CAPZB: variants seen among roughly 807,000 people sequenced by gnomAD.
CAPZB encodes F-actin-capping protein subunit beta.
A neutral mutation model predicts 38.1 loss-of-function variants in CAPZB; 2 were observed. That is an observed-to-expected ratio of 0.05 (90% CI 0.02 to 0.17). CAPZB has a LOEUF of 0.17. CAPZB is among the 10% of genes least tolerant of loss of function. The pLI, the probability that CAPZB is intolerant of heterozygous loss-of-function variation, is 1.00. For synonymous variants in CAPZB, 107 were observed against 127.4 expected, an observed-to-expected ratio of 0.84 and a Z score of 1.08; for missense variants, 161 against 334.2, an observed-to-expected ratio of 0.48 and a Z score of 4.04.
intron 1 of CAPZB, among the ~76,000 whole-genome samples, chr1:19,479,137 G>A (rs1395510951): frequency 6.6e-6 from 1 of 152,188 alleles, no homozygotes; most frequent in Non-Finnish European, 1.5e-5. Flanking sequence ...CTGAGTCTAG[G>A]AGACGGAGGT....
chr1:19,385,400 G>T, intron 3 of CAPZB, 105 bp downstream of exon 3: 1 of 1,321,514 alleles, frequency 7.6e-7, no homozygotes, highest in South Asian at 1.3e-5. Context: ...AAGCTGAATG[G>T]GCTGCCAGCT....
intron 4 of CAPZB, among the ~76,000 whole-genome samples, chr1:19,365,690 C>T (rs1234123140): frequency 6.6e-6 from 1 of 151,978 alleles, no homozygotes; most frequent in Non-Finnish European, 1.5e-5. Context: ...CAAAATTAGT[C>T]GGGCGTGGTG....
intron 1 of CAPZB, among the ~76,000 whole-genome samples, chr1:19,446,237 T>G (rs1285721113): frequency 1.3e-5 from 2 of 152,256 alleles, no homozygotes; most frequent in Non-Finnish European, 2.9e-5. Context: ...AAGTTCAGGA[T>G]GCACTGCGTG....
intron 1 of CAPZB, among the ~76,000 whole-genome samples, chr1:19,429,365 G>C (rs1360736188): frequency 6.6e-6 from 1 of 151,852 alleles, no homozygotes; most frequent in East Asian, 1.9e-4. Context: ...CAAATAGTTT[G>C]TAAGTACCTT....
chr1:19,432,923 C>G (rs115863775), intron 1 of CAPZB, among the ~76,000 whole-genome samples: 56 of 152,360 alleles, frequency 3.7e-4, no homozygotes, highest in Non-Finnish European at 6.5e-4. Context: ...ACAATGTCAT[C>G]TACTACCAAA....
At chr1:19,480,115 T>C (rs1303975141) in intron 1 of CAPZB, among the ~76,000 whole-genome samples, 8 of 152,180 alleles carry the variant, frequency 5.3e-5, no homozygotes, top group Non-Finnish European at 7.3e-5. Flanking sequence ...CATGGGTCCC[T>C]GGCTAAGTCT....
intron 4 of CAPZB, among the ~76,000 whole-genome samples, chr1:19,368,484 T>C (rs969449335): frequency 7.5e-6 from 1 of 133,066 alleles, no homozygotes; most frequent in African/African-American, 3.0e-5. Context: ...CCGTCTCCAT[T>C]TTTTTTCTTG....
chr1:19,471,727 C>T (rs536386167), intron 1 of CAPZB, among the ~76,000 whole-genome samples: 3 of 152,074 alleles, frequency 2.0e-5, no homozygotes, highest in Admixed American at 6.5e-5. Flanking sequence ...ATTAGCCAGG[C>T]GTGGTGGCGG....
rs371690545 is a variant in CAPZB at position 19,344,363 on chromosome 1, C to A, written c.726G>T (p.Gly242=). The change falls in exon 8 of 9, where the codon GGG becomes GGT. Residue 242 remains glycine, a synonymous_variant. Coordinates refer to ENST00000264202, the MANE Select transcript of CAPZB (RefSeq NM_004930.5). ...TGTGCTTTCTGGTACATTACCTCAG[C>A]CCATTGACGATATCCTTTGTTTTTC... The part of the protein sequence containing the change: ...YFGKTKDIVN[G]LRSVQTFADK... The A allele has an allele frequency of 4.3e-6, 7 of 1,611,078 alleles. No individual in the cohort carries two copies. The Admixed American group carries it at 1.0e-4, about 23-fold the overall frequency.
chr1:19,461,953 TA>T (rs1425173446), intron 1 of CAPZB, among the ~76,000 whole-genome samples: 7 of 152,166 alleles, frequency 4.6e-5, no homozygotes, highest in African/African-American at 7.2e-5. Context: ...CAGCAATGAA[TA>T]AATATGTGCT....
At chr1:19,371,421 G>A (rs10753558) in intron 4 of CAPZB, among the ~76,000 whole-genome samples, 45,074 of 152,140 alleles carry the variant, frequency 0.3, 7,002 homozygotes, top group Middle Eastern at 0.37. Flanking sequence ...GACGCAAGGC[G>A]TGAGTGCAGC....
chr1:19,424,137 G>A (rs1191773711), intron 1 of CAPZB, among the ~76,000 whole-genome samples: 2 of 152,030 alleles, frequency 1.3e-5, no homozygotes, highest in Admixed American at 6.6e-5. Flanking sequence ...ATTTAGACAC[G>A]TGTTTTAGAC....
chr1:19,382,402 C>T (rs2100444387), intron 3 of CAPZB, among the ~76,000 whole-genome samples: 1 of 152,258 alleles, frequency 6.6e-6, no homozygotes, highest in Middle Eastern at 3.4e-3. Flanking sequence ...TTTCATTTCC[C>T]TCCGAGAAGG....
intron 1 of CAPZB, among the ~76,000 whole-genome samples, chr1:19,436,082 T>C (rs1490767450): frequency 6.6e-6 from 1 of 152,226 alleles, no homozygotes; most frequent in Non-Finnish European, 1.5e-5. Flanking sequence ...AGTAACACAG[T>C]AGTCACCCCT....
At chr1:19,346,396 C>T (rs528593447) in intron 6 of CAPZB, among the ~76,000 whole-genome samples, 79 of 127,732 alleles carry the variant, frequency 6.2e-4, no homozygotes, top group Admixed American at 1.7e-3. Context: ...TCTGCTTAGA[C>T]ATTATTTATA....
chr1:19,355,726 C>T (rs1157751183), intron 6 of CAPZB, among the ~76,000 whole-genome samples: 1 of 152,214 alleles, frequency 6.6e-6, no homozygotes. Flanking sequence ...CCGACTTCTC[C>T]GAAGGCAAAG....
intron 3 of CAPZB, among the ~76,000 whole-genome samples, chr1:19,378,942 G>A (rs1038504826): frequency 1.3e-5 from 2 of 152,084 alleles, no homozygotes; most frequent in Non-Finnish European, 2.9e-5. Context: ...CGTAAAATGC[G>A]GCTGCTACTT....
chr1:19,439,747 C>T (rs1227942714), intron 1 of CAPZB, among the ~76,000 whole-genome samples: 1 of 152,264 alleles, frequency 6.6e-6, no homozygotes, highest in African/African-American at 2.4e-5. Context: ...GCACATGGCA[C>T]GCTTCCGAGA....
Position 19,419,519 on chromosome 1 carries a change from A to G in CAPZB, c.93+142T>C, listed in dbSNP as rs991049603. The G allele has an allele frequency of 5.0e-6, 3 of 604,730 alleles. No individual in the cohort carries two copies. In the African/African-American group the frequency reaches 5.6e-5, roughly 11 times the overall value. 37.5% of individuals were successfully genotyped at this position (604,730 alleles called of 1,614,324 possible). On this transcript the variant is annotated intron_variant, in intron 2 of 8. Coordinates refer to ENST00000264202, the MANE Select transcript of CAPZB (RefSeq NM_004930.5). ...TGAAATCCATCTTCTCTCTGCCTGG[A>G]GGAATCTCATAGTCCAGTGGCATGG...
Sources: gnomAD v4.1 joint callset for allele counts (sites outside exome capture counted in the v4.1 genomes callset) on GRCh38, gnomAD v4.1.1 for gene constraint, MANE v1.5 for transcripts, NCBI Gene and HGNC (gene_info 2026-07-23, HGNC 2026-07-21) for gene names.